Variants in C12orf54 observed in about 807,000 individuals in gnomAD.
C12orf54 encodes the protein uncharacterized protein C12orf54.
A neutral mutation model predicts 26.4 loss-of-function variants in C12orf54; 24 were observed. That is an observed-to-expected ratio of 0.91 (90% CI 0.66 to 1.28). C12orf54 has a LOEUF of 1.28. Among genes scored for constraint, C12orf54 ranks in the 50% most tolerant of loss-of-function variants. The pLI is 0.00. For missense variants in C12orf54, 154 were observed against 150.9 expected (o/e 1.02, Z -0.11); for synonymous variants, 54 against 47.0 (o/e 1.15, Z -0.61).
the C12orf54 span, among the ~76,000 whole-genome samples, chr12:48,434,166 G>A: frequency 3.9e-5 from 6 of 152,194 alleles, no homozygotes; most frequent in Non-Finnish European, 7.4e-5. Flanking sequence ...CGCTCATTGC[G>A]AGCACAGCAG....
chr12:48,438,532 G>A, the C12orf54 span, among the ~76,000 whole-genome samples: 10 of 152,192 alleles, frequency 6.6e-5, no homozygotes, highest in Non-Finnish European at 1.2e-4. Context: ...AACCAAAACA[G>A]CATGGTACTG....
At chr12:48,472,435 T>C in the C12orf54 span, among the ~76,000 whole-genome samples, 2 of 152,292 alleles carry the variant, frequency 1.3e-5, no homozygotes, top group East Asian at 1.9e-4. Flanking sequence ...TGATGTAAAA[T>C]AGAAAAATAG....
chr12:48,475,452 A>G, the C12orf54 span, among the ~76,000 whole-genome samples: 1 of 151,366 alleles, frequency 6.6e-6, no homozygotes, highest in African/African-American at 2.4e-5. Context: ...ACTCTGAGCT[A>G]CAGGAGGAAA....
intron 3 of C12orf54, chr12:48,486,464 G>C: frequency 1.6e-6 from 1 of 627,226 alleles, no homozygotes; most frequent in Admixed American, 2.9e-5. Flanking sequence ...GAGTCTGTTT[G>C]TACCTGTCAT....
chr12:48,438,304 A>G, the C12orf54 span, among the ~76,000 whole-genome samples: 16 of 152,388 alleles, frequency 1.0e-4, no homozygotes, highest in East Asian at 3.1e-3. Flanking sequence ...GGAAGAATCA[A>G]TATCGTGAAA....
chr12:48,480,326 A>C (rs1484383016), upstream of C12orf54, among the ~76,000 whole-genome samples: 1 of 152,094 alleles, frequency 6.6e-6, no homozygotes, highest in African/African-American at 2.4e-5. Flanking sequence ...TTTCTTGTTT[A>C]TTTGTTTAAG....
chr12:48,462,803 A>G, the C12orf54 span, among the ~76,000 whole-genome samples: 2 of 151,862 alleles, frequency 1.3e-5, no homozygotes, highest in East Asian at 1.9e-4. Context: ...CTTCATAGTA[A>G]AAGACTGAAA....
chr12:48,488,217 G>A (rs1937696028), intron 4 of C12orf54: 3 of 689,244 alleles, frequency 4.4e-6, no homozygotes, highest in Admixed American at 2.0e-5. Flanking sequence ...GTCTGTGCCT[G>A]TCACTCTATG....
chr12:48,489,026 C>A (rs930323231), intron 5 of C12orf54, 70 bp downstream of exon 5: 5 of 1,451,442 alleles, frequency 3.4e-6, no homozygotes, highest in African/African-American at 1.4e-5. Context: ...TTTTTTCTTA[C>A]CCTACTGAGA....
chr12:48,417,184 G>A, the C12orf54 span: 3 of 152,162 alleles, frequency 2.0e-5, no homozygotes, highest in Non-Finnish European at 4.4e-5. Context: ...TGCAGAGGTG[G>A]AATCAGTTCT....
At chr12:48,419,243 A>G in the C12orf54 span, among the ~76,000 whole-genome samples, 10 of 152,212 alleles carry the variant, frequency 6.6e-5, no homozygotes, top group Non-Finnish European at 1.2e-4. Flanking sequence ...ACGAAAATAA[A>G]CATGGCCTTG....
the C12orf54 span, among the ~76,000 whole-genome samples, chr12:48,434,003 C>T: frequency 2.0e-5 from 3 of 152,154 alleles, no homozygotes; most frequent in African/African-American, 7.2e-5. Flanking sequence ...CAGGGAATTC[C>T]CTTTCCTACT....
chr12:48,482,469 T>C (rs1954208091), upstream of C12orf54: 1 of 152,116 alleles, frequency 6.6e-6, no homozygotes, highest in South Asian at 2.1e-4. Context: ...GTATTGAAAA[T>C]GGCAAGGTTG....
chr12:48,491,830 TTA>T (rs1555142850), intron 6 of C12orf54, among the ~76,000 whole-genome samples: 2 of 152,300 alleles, frequency 1.3e-5, no homozygotes, highest in Middle Eastern at 3.4e-3. Flanking sequence ...AAACTTTTGC[TTA>T]TATACAAATC....
At chr12:48,488,609 A>C (rs1565571838) in intron 4 of C12orf54, 2 of 409,496 alleles carry the variant, frequency 4.9e-6, no homozygotes, top group Non-Finnish European at 8.9e-6. Flanking sequence ...TAAGCTTCAG[A>C]ATAAGAACCA....
In C12orf54 at chr12:48,483,231, C is replaced by G; in HGVS notation, c.-57-9C>G. On this transcript the variant is annotated splice_polypyrimidine_tract_variant and intron_variant, in intron 1 of 8. Transcript: ENST00000548364. The stretch of plus-strand genomic sequence containing the variant: ...TGCCTTCTCCGCATATTCATTTATG[C>G]CTCTCCAGGGCCTGGAGCTATCTCC... 4.2e-6 allele frequency: 6 copies of G among 1,427,846 alleles called. No individual in the cohort carries two copies. The highest frequency in any genetic ancestry group is 4.9e-6 in the Non-Finnish European group (5 of 1,015,646). 88.4% of individuals were successfully genotyped at this position (1,427,846 alleles called of 1,614,324 possible).
the C12orf54 span, among the ~76,000 whole-genome samples, chr12:48,443,614 C>T: frequency 1.3e-5 from 2 of 152,186 alleles, no homozygotes; most frequent in African/African-American, 2.4e-5. Flanking sequence ...TAGGAACATA[C>T]TCCAGTCATA....
intron 5 of C12orf54, chr12:48,489,287 C>T (rs1039675905): frequency 4.2e-6 from 2 of 477,880 alleles, no homozygotes; most frequent in African/African-American, 3.9e-5. Context: ...AGTAAACTGC[C>T]TTATTAGGTG....
At chr12:48,480,659 A>C (rs763126988), upstream of C12orf54, among the ~76,000 whole-genome samples, 2 of 152,234 alleles carry the variant, frequency 1.3e-5, no homozygotes, top group Non-Finnish European at 2.9e-5. Context: ...CATTTCTCAA[A>C]GAACTAAAAA....
Sources: gnomAD v4.1 joint callset for allele counts (sites outside exome capture counted in the v4.1 genomes callset) on GRCh38, gnomAD v4.1.1 for gene constraint, MANE v1.5 for transcripts, NCBI Gene and HGNC (gene_info 2026-07-23, HGNC 2026-07-21) for gene names.